PDIA4: variants seen among roughly 807,000 people sequenced by gnomAD.
PDIA4 encodes the protein protein disulfide-isomerase A4.
PDIA4 carries 33 observed loss-of-function variants against 62.1 expected under a neutral mutation model. The observed-to-expected ratio is 0.53, with a 90% CI of 0.40 to 0.71. The LOEUF (loss-of-function observed/expected upper bound fraction) is 0.71. Among genes scored for constraint, PDIA4 ranks in the 30% least tolerant of loss-of-function variants. The pLI is 0.00. For synonymous variants in PDIA4, 341 were observed against 324.1 expected (o/e 1.05, Z -0.56); for missense variants, 804 against 813.6 (o/e 0.99, Z 0.14).
At position 149,027,446 on chromosome 7, in the gene PDIA4, T is replaced by C. The variant is rs182862671; in HGVS notation, c.88+875A>G. ...TACACACTAACATTATCAAAGAGTG[T>C]ATATTTATATTAGAACAAACTCAGA... is the stretch of plus-strand genomic sequence containing the variant. On this transcript the variant is annotated intron_variant, in intron 1 of 9. Transcript: ENST00000652332. Among the ~76,000 whole-genome samples, 184 of 152,308 alleles carry C rather than the reference T, an allele frequency of 1.2e-3. 1 individual carries two copies. Among genetic ancestry groups the C allele is most frequent in the African/African-American group, 4.3e-3 (177 of 41,552 alleles).
chr7:149,019,208 G>T lies in PDIA4; in HGVS notation c.270-11C>A, dbSNP rs182249342. ...TTGCAATGTCCACACCTAACAATTAGATTAGGAAGGGCAAAAAACGTTAAC... is the reference window on the plus strand; with the variant it reads ...TTGCAATGTCCACACCTAACAATTATATTAGGAAGGGCAAAAAACGTTAAC... On this transcript the variant is annotated splice_polypyrimidine_tract_variant and intron_variant, in intron 2 of 9. Coordinates refer to ENST00000652332, the MANE Select transcript of PDIA4 (RefSeq NM_004911.5). 12 of 1,590,046 alleles carry T rather than the reference G, an allele frequency of 7.5e-6. No homozygotes were observed. The South Asian group carries it at 7.7e-5, about 10-fold the overall frequency.
At position 149,006,054 on chromosome 7, in the gene PDIA4, C is replaced by T; in HGVS notation, c.1132-1G>A. ...TGATGGCCGAGTCCTGGGTGGAGCC[C>T]TGCTTCAAAGAGGGAACAGGTGAGG... On this transcript the variant is annotated splice_acceptor_variant, in intron 7 of 9. Transcript: ENST00000652332. LOFTEE classifies it high-confidence loss of function. The T allele has an allele frequency of 6.4e-7, 1 of 1,555,966 alleles. No homozygotes were observed. The highest frequency in any genetic ancestry group is 8.6e-7 in the Non-Finnish European group (1 of 1,159,150).
At position 149,019,198 on chromosome 7, in the gene PDIA4, C is replaced by T; in HGVS notation, c.270-1G>A. The T allele has an allele frequency of 1.2e-6, 2 of 1,608,858 alleles. No individual in the cohort carries two copies. Among genetic ancestry groups the T allele is most frequent in the Non-Finnish European group, 1.7e-6 (2 of 1,175,294 alleles). ...AGCAAACTGCTTGCAATGTCCACACCTAACAATTAGATTAGGAAGGGCAAA... is the reference window on the plus strand; with the variant it reads ...AGCAAACTGCTTGCAATGTCCACACTTAACAATTAGATTAGGAAGGGCAAA... On this transcript the variant is annotated splice_acceptor_variant, in intron 2 of 9. Transcript: ENST00000652332. LOFTEE classifies it high-confidence loss of function.
At chr7:149,014,537 G>A (rs1476234518) in intron 4 of PDIA4, among the ~76,000 whole-genome samples, 1 of 152,044 alleles carries the variant, frequency 6.6e-6, no homozygotes, top group Non-Finnish European at 1.5e-5. Context: ...GCTTATCCAC[G>A]CAACTGGTTG....
intron 3 of PDIA4, among the ~76,000 whole-genome samples, 178 bp downstream of exon 3, chr7:149,018,814 C>G (rs1469009863): frequency 6.9e-6 from 1 of 145,454 alleles, no homozygotes; most frequent in African/African-American, 2.6e-5. Flanking sequence ...CCTGCCCACC[C>G]CACTACTCCC....
chr7:149,028,175 C>T (rs566811799), intron 1 of PDIA4, 146 bp downstream of exon 1: 13 of 624,282 alleles, frequency 2.1e-5, no homozygotes, highest in Middle Eastern at 4.4e-4. Flanking sequence ...TCAACTCCGC[C>T]AAGTTTACCC....
In PDIA4 at chr7:149,016,985, C is replaced by A. The variant is rs117771920; in HGVS notation, c.476-1943G>T. Among the ~76,000 whole-genome samples, 388 of 152,298 alleles carry A rather than the reference C, an allele frequency of 2.5e-3. 11 individuals carry two copies. In the East Asian group the frequency reaches 0.055, roughly 22 times the overall value. On this transcript the variant is annotated intron_variant, in intron 3 of 9. Coordinates refer to ENST00000652332, the MANE Select transcript of PDIA4 (RefSeq NM_004911.5). ...CTCTTTGTATACGCCACAGTGAGTGCCATTGCTTAAAGGAGCAGAGGAGAG... is the reference window on the plus strand; with the variant it reads ...CTCTTTGTATACGCCACAGTGAGTGACATTGCTTAAAGGAGCAGAGGAGAG...
chr7:149,012,422 A>T, intron 4 of PDIA4, 62 bp from the exon 5 acceptor site: 1 of 1,428,864 alleles, frequency 7.0e-7, no homozygotes, highest in South Asian at 1.2e-5. Flanking sequence ...TTCTAGCTAA[A>T]TGAGCTGCAG....
rs1823650450 is a variant in PDIA4, at chr7:149,004,048, C to G, written c.1684G>C (p.Glu562Gln). 1.2e-6 allele frequency: 2 copies of G among 1,614,108 alleles called. No individual in the cohort carries two copies. The highest frequency in any genetic ancestry group is 1.7e-5 in the Admixed American group (1 of 60,012). ...APWCGHCKQL[E>Q]PVYNSLAKKY... ...TTGGCCAGGCTGTTGTACACGGGCT[C>G]TAGCTGCTTGCAGTGCCCGCACCAT... Residue 562 changes from glutamate (E) to glutamine (Q), a missense_variant, in exon 10 of 10, where the codon GAG becomes CAG. Transcript: ENST00000652332.
intron 3 of PDIA4, 60 bp from the exon 4 acceptor site, chr7:149,015,102 C>G: frequency 6.4e-7 from 1 of 1,567,174 alleles, no homozygotes. Flanking sequence ...ACTTCACCTC[C>G]CTCCAGAAGC....
At position 149,003,496 on chromosome 7, in the gene PDIA4, CAGA is replaced by C. The variant is rs1823613997; in HGVS notation, c.*295_*297del. ...ATTAAAAAAAGAAAACATTTTCACA[CAGA>C]AGAATTATCTGCTTTGAGAAATAAA... is the stretch of plus-strand genomic sequence containing the variant. On this transcript the variant is annotated 3_prime_UTR_variant, in exon 10 of 10. Transcript: ENST00000652332. 3.5e-6 allele frequency: 1 copy of C among 282,448 alleles called. No individual in the cohort carries two copies. Among genetic ancestry groups the C allele is most frequent in the East Asian group, 6.1e-5 (1 of 16,340 alleles). 17.5% of individuals were successfully genotyped at this position (282,448 alleles called of 1,614,324 possible).
Position 149,003,808 on chromosome 7 carries a change from T to C in PDIA4, c.1924A>G (p.Lys642Glu). 1 of 1,555,242 alleles carries C rather than the reference T, an allele frequency of 6.4e-7. No individual in the cohort carries two copies. Among genetic ancestry groups the C allele is most frequent in the Non-Finnish European group, 8.7e-7 (1 of 1,150,094 alleles). ...ACCTCAGGCCTTCAAAGCTCTTCCTTGGTCCTGCTCAGTTTTGTGGCATGT... is the reference window on the plus strand; with the variant it reads ...ACCTCAGGCCTTCAAAGCTCTTCCTCGGTCCTGCTCAGTTTTGTGGCATGT... Reference protein sequence around the residue: ...EEHATKLSRTKEEL With the variant: ...EEHATKLSRTEEEL Residue 642 changes from lysine (K) to glutamate (E), a missense_variant, in exon 10 of 10, where the codon AAG (lysine) becomes GAG (glutamate). Transcript: ENST00000652332.
chr7:149,019,250 AAATCCAACAATAAT>A, intron 2 of PDIA4, 53 bp from the exon 3 acceptor site: 1 of 1,253,160 alleles, frequency 8.0e-7, no homozygotes, highest in Non-Finnish European at 1.2e-6. Flanking sequence ...TATGGGATTT[AAATCCAACAATAAT>A]ACATACCACT....
rs565562145 is a variant in PDIA4 at position 149,008,227 on chromosome 7, A to G, written c.1063T>C (p.Leu355=). Residue 355 remains leucine (L), a synonymous_variant, in exon 7 of 10, where the codon TTG becomes CTG. Transcript: ENST00000652332. ...AATTTCTCAGGCTGCATTACAACCA[A>G]CTGCCCCTGGGAGACTTTCAAGAAC... ...AKFLKVSQGQ[L]VVMQPEKFQS... The G allele has an allele frequency of 1.2e-5, 20 of 1,614,100 alleles. No individual in the cohort carries two copies. The African/African-American group carries it at 2.5e-4, about 20-fold the overall frequency.
chr7:149,011,306 C>G (rs556358264), intron 6 of PDIA4, among the ~76,000 whole-genome samples: 29 of 152,260 alleles, frequency 1.9e-4, no homozygotes, highest in African/African-American at 7.0e-4. Flanking sequence ...TGCCCCTACC[C>G]CAACAGAACA....
intron 1 of PDIA4, among the ~76,000 whole-genome samples, chr7:149,024,579 C>T (rs1824472156): frequency 6.6e-6 from 1 of 151,982 alleles, no homozygotes; most frequent in African/African-American, 2.4e-5. Context: ...CTCTGGGAGG[C>T]TGAGACGGGC....
At position 149,025,566 on chromosome 7, in the gene PDIA4, G is replaced by C. The variant is rs762695886; in HGVS notation, c.88+2755C>G. Among the ~76,000 whole-genome samples the C allele has an allele frequency of 5.9e-5, 9 of 152,258 alleles. No homozygotes were observed. In the South Asian group the frequency reaches 6.2e-4, roughly 11 times the overall value. On this transcript the variant is annotated intron_variant, in intron 1 of 9. Coordinates refer to ENST00000652332, the MANE Select transcript of PDIA4 (RefSeq NM_004911.5). ...CCCCTTAAGGGAGACTGTATTACAC[G>C]TTATATTGTATCTTACAGATGAAGA...
intron 6 of PDIA4, among the ~76,000 whole-genome samples, chr7:149,009,259 C>T (rs532515134): frequency 1.9e-4 from 29 of 152,084 alleles, no homozygotes; most frequent in African/African-American, 6.5e-4. Context: ...CCAGCCTGGG[C>T]AACATGGTGA....
At chr7:149,028,002 A>T (rs1369441695) in intron 1 of PDIA4, 6 of 563,426 alleles carry the variant, frequency 1.1e-5, no homozygotes, top group Non-Finnish European at 2.1e-5. Context: ...TCTGTAAATT[A>T]AGGCGAAGGA....
Sources: allele counts gnomAD v4.1 joint callset (sites outside exome capture counted in the v4.1 genomes callset), GRCh38; gene constraint gnomAD v4.1.1; transcripts MANE v1.5; gene names NCBI Gene and HGNC (gene_info 2026-07-23, HGNC 2026-07-21).